The following ZNF143 variants were observed in gnomAD, a reference collection of about 807,000 sequenced individuals.
The protein encoded by ZNF143 is zinc finger protein 143.
ZNF143 carries 49 observed loss-of-function variants against 74.1 expected under a neutral mutation model. That is an observed-to-expected ratio of 0.66 (90% CI 0.53 to 0.84). ZNF143 has a LOEUF of 0.84. Ranked by LOEUF, ZNF143 falls within the 40% of genes least tolerant of loss-of-function variation. The pLI, the probability that ZNF143 is intolerant of heterozygous loss-of-function variation, is 0.00. For missense variants in ZNF143, 637 were observed against 793.4 expected, an observed-to-expected ratio of 0.80 and a Z score of 2.37; for synonymous variants, 304 against 282.8, an observed-to-expected ratio of 1.07 and a Z score of -0.75.
At chr11:9,466,866 A>G (rs1159888232) in intron 1 of ZNF143, among the ~76,000 whole-genome samples, 4 of 151,296 alleles carry the variant, frequency 2.6e-5, no homozygotes, top group African/African-American at 2.4e-5. Context: ...ATATTACAAT[A>G]GAGTAATACT....
At chr11:9,465,160 A>G (rs1409559251) in intron 1 of ZNF143, among the ~76,000 whole-genome samples, 2 of 152,166 alleles carry the variant, frequency 1.3e-5, no homozygotes, top group African/African-American at 2.4e-5. Flanking sequence ...TTGATTTGTT[A>G]AGCTATTGGG....
At chr11:9,490,957 TC>T (rs1433125720) in intron 7 of ZNF143, among the ~76,000 whole-genome samples, 2 of 152,266 alleles carry the variant, frequency 1.3e-5, no homozygotes, top group African/African-American at 2.4e-5. Context: ...GGTCTCAAAC[TC>T]CTGGGCTCAC....
intron 1 of ZNF143, chr11:9,461,856 A>G (rs1855877166): frequency 6.6e-6 from 1 of 152,216 alleles, no homozygotes; most frequent in Admixed American, 6.6e-5. Context: ...AAGAGGAAAG[A>G]AGAATACCAT....
At chr11:9,509,439 T>C (rs1848466671) in intron 12 of ZNF143, among the ~76,000 whole-genome samples, 1 of 152,194 alleles carries the variant, frequency 6.6e-6, no homozygotes, top group Non-Finnish European at 1.5e-5. Context: ...AGTAAACCCT[T>C]GGAAAAATAT....
chr11:9,471,053 A>G, intron 1 of ZNF143: 2 of 204,608 alleles, frequency 9.8e-6, no homozygotes, highest in East Asian at 1.1e-4. Context: ...GATGGGCACA[A>G]TTCGTCAGTG....
chr11:9,496,988 C>CTT (rs1276566382), intron 9 of ZNF143, among the ~76,000 whole-genome samples: 1 of 152,216 alleles, frequency 6.6e-6, no homozygotes, highest in Non-Finnish European at 1.5e-5. Context: ...GTCATAGACT[C>CTT]TAACATCAGG....
intron 1 of ZNF143, among the ~76,000 whole-genome samples, chr11:9,465,393 G>A (rs980591219): frequency 3.3e-5 from 5 of 151,382 alleles, no homozygotes; most frequent in African/African-American, 1.2e-4. Flanking sequence ...CACCATGTTG[G>A]CCAGGCTGGT....
intron 11 of ZNF143, among the ~76,000 whole-genome samples, chr11:9,503,578 G>A (rs1161833335): frequency 6.6e-6 from 1 of 151,450 alleles, no homozygotes; most frequent in African/African-American, 2.4e-5. Flanking sequence ...CATCTTAGTA[G>A]GTGTGAATTG....
intron 11 of ZNF143, among the ~76,000 whole-genome samples, chr11:9,507,744 AATT>A (rs1446988729): frequency 2.0e-5 from 3 of 152,310 alleles, no homozygotes; most frequent in African/African-American, 7.2e-5. Flanking sequence ...GATATTAAGT[AATT>A]ATTATTAATT....
At position 9,512,553 on chromosome 11, in the gene ZNF143, T is replaced by C. The variant is rs1168583441; in HGVS notation, c.1481T>C (p.Leu494Pro). ...TQVATVTQSG[L>P]SQQVTLISQD... is the part of the protein sequence containing the mutation. ...GTAGCCACAGTAACCCAATCTGGAC[T>C]GAGTCAACAAGTTACACTCATATCC... The change falls in exon 13 of 16, where the codon CTG (leucine) becomes CCG (proline). Residue 494 changes from leucine (L) to proline (P), a missense_variant. By Grantham distance (98) the Leu-to-Pro change is moderately conservative. Around this residue, in one of 2 missense-constraint regions of ZNF143, gnomAD observed 344 missense variants for 485.6 expected, o/e 0.71. Transcript: ENST00000396602. The C allele has an allele frequency of 8.1e-6, 13 of 1,614,140 alleles. No homozygotes were observed. In the South Asian group the frequency reaches 1.1e-4, roughly 14 times the overall value.
rs144882718 is a variant in ZNF143, at chr11:9,466,359, G to A, written c.-7-4943G>A. On this transcript the variant is annotated intron_variant, in intron 1 of 15. Transcript: ENST00000396602. ...TGCCCAGGCTGGAGTGCAATGATGT[G>A]ATCTCGGCTCACTGCAACCTACGTC... 4.9e-3 allele frequency among the ~76,000 whole-genome samples: 737 copies of A among 151,366 alleles called. 6 individuals carry two copies. The highest frequency in any genetic ancestry group is 0.017 in the African/African-American group (709 of 41,218).
Position 9,475,920 on chromosome 11 carries a change from G to A in ZNF143, c.373+1287G>A, listed in dbSNP as rs866784960. ...CTCAAAAAAATATATATGTGTGTGT[G>A]TGTGTGTGTGTGTGTGTGTGTGTGT... On this transcript the variant is annotated intron_variant, in intron 5 of 15. Transcript: ENST00000396602. Among the ~76,000 whole-genome samples the A allele has an allele frequency of 2.8e-3, 332 of 118,718 alleles. 3 individuals are homozygous for A. Among genetic ancestry groups the A allele is most frequent in the African/African-American group, 8.7e-3 (304 of 34,862 alleles). The allele number at this position is 118,718 out of a possible 152,430, so 77.9% of individuals were successfully genotyped here.
At chr11:9,479,948 T>C (rs1281435282) in intron 7 of ZNF143, among the ~76,000 whole-genome samples, 1 of 152,212 alleles carries the variant, frequency 6.6e-6, no homozygotes, top group Non-Finnish European at 1.5e-5. Flanking sequence ...TTTTTAAATT[T>C]CTTCTTCTTC....
chr11:9,463,859 C>G (rs1411655950), intron 1 of ZNF143: 1 of 152,120 alleles, frequency 6.6e-6, no homozygotes, highest in African/African-American at 2.4e-5. Flanking sequence ...AGCATAGTTC[C>G]ATTTCTGGAA....
intron 8 of ZNF143, 137 bp from the exon 9 acceptor site, chr11:9,496,166 G>A: frequency 1.4e-6 from 1 of 693,904 alleles, no homozygotes; most frequent in Non-Finnish European, 2.5e-6. Flanking sequence ...TATCGTTTTT[G>A]TGAAGTTATC....
intron 14 of ZNF143, among the ~76,000 whole-genome samples, chr11:9,520,280 C>G (rs1451574661): frequency 6.6e-6 from 1 of 150,506 alleles, no homozygotes. Flanking sequence ...AGGTGATCCA[C>G]CCGCCTCGGC....
At chr11:9,483,190 C>T (rs1459899969) in intron 7 of ZNF143, among the ~76,000 whole-genome samples, 5 of 146,800 alleles carry the variant, frequency 3.4e-5, no homozygotes, top group South Asian at 4.4e-4. Context: ...GATGAGGTTT[C>T]GTCATGTTGA....
chr11:9,467,171 A>G (rs541831378), intron 1 of ZNF143, among the ~76,000 whole-genome samples: 1 of 149,650 alleles, frequency 6.7e-6, no homozygotes, highest in Non-Finnish European at 1.5e-5. Flanking sequence ...GGATTACAGG[A>G]GTGAGCCACT....
rs56303913 is a variant in ZNF143, at chr11:9,473,391, C to CAA, written c.206-535_206-534dup. ...GGGCAACTAGAGCAAAACTCTGTCT[C>CAA]AAAAAAAAAAAAAAAAGACATTTGG... On this transcript the variant is annotated intron_variant, in intron 3 of 15. Coordinates refer to ENST00000396602, the MANE Select transcript of ZNF143 (RefSeq NM_003442.6). 4.0e-3 allele frequency among the ~76,000 whole-genome samples: 506 copies of CAA among 127,484 alleles called. 2 individuals carry two copies. The highest frequency in any genetic ancestry group is 0.013 in the Middle Eastern group (3 of 238). 83.6% of individuals were successfully genotyped at this position (127,484 alleles called of 152,430 possible).
Sources: gnomAD v4.1 joint callset for allele counts (sites outside exome capture counted in the v4.1 genomes callset) on GRCh38, gnomAD v4.1.1 for gene constraint, gnomAD v4.1.1 regional missense constraint, MANE v1.5 for transcripts, NCBI Gene and HGNC (gene_info 2026-07-23, HGNC 2026-07-21) for gene names.